The following NAA35 variants were observed in gnomAD, a reference collection of about 807,000 sequenced individuals.
NAA35 encodes MAK10 homolog, amino-acid N-acetyltransferase subunit.
A neutral mutation model predicts 101.7 loss-of-function variants in NAA35; 18 were observed. That is an observed-to-expected ratio of 0.18 (90% CI 0.12 to 0.26). NAA35 has a LOEUF of 0.26. NAA35 is among the 10% of genes least tolerant of loss of function. The probability of loss-of-function intolerance (pLI) is 1.00; values close to 1 mark genes in which losing one functional copy is unlikely to be tolerated. For synonymous variants in NAA35, 267 were observed against 273.1 expected (o/e 0.98, Z 0.22); for missense variants, 601 against 886.8 (o/e 0.68, Z 4.09).
chr9:85,948,520 T>G (rs1828864121), intron 2 of NAA35, among the ~76,000 whole-genome samples: 1 of 152,178 alleles, frequency 6.6e-6, no homozygotes, highest in Non-Finnish European at 1.5e-5. Flanking sequence ...GCCTGGGGTG[T>G]CTTTTCTCTC....
Position 85,978,378 on chromosome 9 carries a change from G to C in NAA35, c.874G>C (p.Gly292Arg). The C allele has an allele frequency of 6.3e-7, 1 of 1,581,204 alleles. No homozygotes were observed. The highest frequency in any genetic ancestry group is 8.7e-7 in the Non-Finnish European group (1 of 1,150,320). ...GIQAQNDTTK[G>R]DHPIMMGFEP... The stretch of plus-strand genomic sequence containing the variant: ...CCAGGCCCAGAATGATACTACAAAA[G>C]GAGGTAATTGTTCAATTTGCTCCTA... Residue 292 changes from glycine (G) to arginine (R), a missense_variant, in exon 11 of 23, where the codon GGA becomes CGA. Transcript: ENST00000361671.
intron 6 of NAA35, among the ~76,000 whole-genome samples, chr9:85,969,018 T>C (rs1829882430): frequency 6.6e-6 from 1 of 152,192 alleles, no homozygotes; most frequent in South Asian, 2.1e-4. Flanking sequence ...GTCAGTTGTA[T>C]ATATTTTTTT....
chr9:86,022,031 CAGG>C lies in NAA35; in HGVS notation c.*72_*74del, dbSNP rs1425578373. ...ACCCAACTCTTAGAGGGCACATCACCAGGCTCCACATCACGGGAAGTGAGATGG... is the reference window on the plus strand; with the variant it reads ...ACCCAACTCTTAGAGGGCACATCACCCTCCACATCACGGGAAGTGAGATGG... On this transcript the variant is annotated 3_prime_UTR_variant, in exon 23 of 23. Transcript: ENST00000361671. The C allele has an allele frequency of 1.8e-6, 2 of 1,133,454 alleles. No individual in the cohort carries two copies. Among genetic ancestry groups the C allele is most frequent in the Non-Finnish European group, 2.6e-6 (2 of 765,118 alleles). 70.2% of individuals were successfully genotyped at this position (1,133,454 alleles called of 1,614,324 possible). A position where few individuals can be genotyped will look rare whatever the true frequency, so the allele number is the denominator to read the frequency against.
In NAA35 at chr9:86,007,474, G is replaced by C; in HGVS notation, c.1223+10G>C. The stretch of plus-strand genomic sequence containing the variant: ...CGGTGCTTTCCCCCAAGTAAGTATT[G>C]TAAGACATTTTAGAGTTGTATGTAT... On this transcript the variant is annotated intron_variant, in intron 14 of 22. Coordinates refer to ENST00000361671, the MANE Select transcript of NAA35 (RefSeq NM_024635.4). 2 of 1,607,036 alleles carry C rather than the reference G, an allele frequency of 1.2e-6. No individual in the cohort carries two copies. The highest frequency in any genetic ancestry group is 1.1e-5 in the South Asian group (1 of 90,818).
chr9:85,965,310 G>T (rs115730642), intron 6 of NAA35, among the ~76,000 whole-genome samples: 2,496 of 152,294 alleles, frequency 0.016, 65 homozygotes, highest in African/African-American at 0.055. Flanking sequence ...CTAATTAAAA[G>T]ATGTTACATT....
At chr9:85,948,277 T>A (rs777829518) in intron 2 of NAA35, among the ~76,000 whole-genome samples, 8 of 152,102 alleles carry the variant, frequency 5.3e-5, no homozygotes, top group Non-Finnish European at 7.4e-5. Context: ...CACAAAAAAT[T>A]TTTACCCAAA....
In NAA35 at chr9:86,022,104, C is replaced by T. The variant is rs1832588793; in HGVS notation, c.*144C>T. Reference sequence around the variant, plus strand: ...ATTATAAGGAATACTTTTAGTTTGACAGCCTTATATGACATGAATGAAAAC... The same window carrying T: ...ATTATAAGGAATACTTTTAGTTTGATAGCCTTATATGACATGAATGAAAAC... On this transcript the variant is annotated 3_prime_UTR_variant, in exon 23 of 23. Transcript: ENST00000361671. The T allele has an allele frequency of 1.6e-6, 1 of 619,436 alleles. No homozygotes were observed. The highest frequency in any genetic ancestry group is 2.8e-6 in the Non-Finnish European group (1 of 360,184). The allele number at this position is 619,436 out of a possible 1,614,324, so 38.4% of individuals were successfully genotyped here.
intron 11 of NAA35, among the ~76,000 whole-genome samples, chr9:85,987,219 G>A (rs1265626496): frequency 1.3e-5 from 2 of 152,302 alleles, no homozygotes; most frequent in Non-Finnish European, 2.9e-5. Context: ...TTTAATAAAA[G>A]CCTTGCTCAA....
At chr9:86,006,899 CAA>C (rs1011019230) in intron 13 of NAA35, among the ~76,000 whole-genome samples, 5 of 151,880 alleles carry the variant, frequency 3.3e-5, no homozygotes, top group Admixed American at 1.3e-4. Flanking sequence ...GAAATTAAAA[CAA>C]ATTATTAAAT....
In NAA35 at chr9:86,018,414, CTTG is replaced by C. The variant is rs1832340128; in HGVS notation, c.1914+22_1914+24del. On this transcript the variant is annotated intron_variant, in intron 20 of 22. Coordinates refer to ENST00000361671, the MANE Select transcript of NAA35 (RefSeq NM_024635.4). ...GTTCAAGGTGAACCTGCTCAATGAA[CTTG>C]TTATGAAATCTTTAGTCTTAGACCT... 1.9e-6 allele frequency: 3 copies of C among 1,599,452 alleles called. No individual in the cohort carries two copies. The highest frequency in any genetic ancestry group is 1.7e-5 in the Admixed American group (1 of 58,512).
At chr9:85,963,394 C>T (rs967837170) in intron 6 of NAA35, among the ~76,000 whole-genome samples, 2 of 151,460 alleles carry the variant, frequency 1.3e-5, no homozygotes, top group African/African-American at 2.4e-5. Flanking sequence ...CCTCAGCCTC[C>T]CGGGTAGCTG....
At chr9:85,941,937 T>G in intron 1 of NAA35, 1 of 1,231,164 alleles carries the variant, frequency 8.1e-7, no homozygotes, top group Non-Finnish European at 1.0e-6. Context: ...TGGGCCCTGG[T>G]AGGTGGTGGG....
In NAA35 at chr9:85,976,599, C is replaced by T. The variant is rs564535796; in HGVS notation, c.628-86C>T. On this transcript the variant is annotated intron_variant, in intron 8 of 22. Transcript: ENST00000361671. ...CCCCAAAAACAGATTCTTGTGTATA[C>T]TTAAAAAATCAGTGTTTTTCCTTAT... is the stretch of plus-strand genomic sequence containing the variant. 3 of 1,018,744 alleles carry T rather than the reference C, an allele frequency of 2.9e-6. No homozygotes were observed. In the Admixed American group the frequency reaches 8.3e-5, roughly 28 times the overall value. The allele number at this position is 1,018,744 out of a possible 1,614,324, so 63.1% of individuals were successfully genotyped here. A position where few individuals can be genotyped will look rare whatever the true frequency, so the allele number is the denominator to read the frequency against.
At chr9:86,021,222 G>T (rs904010504) in intron 22 of NAA35, among the ~76,000 whole-genome samples, 1 of 152,092 alleles carries the variant, frequency 6.6e-6, no homozygotes, top group African/African-American at 2.4e-5. Context: ...ATAACTTGGG[G>T]TAAAAAAAGA....
intron 11 of NAA35, among the ~76,000 whole-genome samples, chr9:85,995,335 T>A (rs945947344): frequency 4.6e-5 from 7 of 150,804 alleles, no homozygotes; most frequent in Non-Finnish European, 1.5e-5. Context: ...AATAAAAAAT[T>A]ATTTTTTATT....
chr9:86,017,003 G>T (rs1832259353), intron 18 of NAA35, among the ~76,000 whole-genome samples: 1 of 152,252 alleles, frequency 6.6e-6, no homozygotes, highest in East Asian at 1.9e-4. Context: ...GAGGGCAGTA[G>T]TTCTGGAGCT....
In NAA35 at chr9:85,942,178, G is replaced by T. The variant is rs1828549828; in HGVS notation, c.19G>T (p.Val7Leu). The change falls in exon 2 of 23, where the codon GTA becomes TTA. Residue 7 changes from valine (V) to leucine (L), a missense_variant. Around this residue, in one of 8 missense-constraint regions of NAA35, gnomAD observed 67 missense variants for 62.4 expected, o/e 1.07. Coordinates refer to ENST00000361671, the MANE Select transcript of NAA35 (RefSeq NM_024635.4). ...AGGCATAATGGTTATGAAAGCTTCT[G>T]TAGATGATGACGATTCAGGATGGGA... is the stretch of plus-strand genomic sequence containing the variant. MVMKAS[V>L]DDDDSGWELS... The T allele has an allele frequency of 2.5e-6, 4 of 1,614,022 alleles. No individual in the cohort carries two copies. The highest frequency in any genetic ancestry group is 3.4e-6 in the Non-Finnish European group (4 of 1,180,016).
intron 2 of NAA35, among the ~76,000 whole-genome samples, chr9:85,947,092 T>A (rs1405382771): frequency 6.6e-6 from 1 of 152,182 alleles, no homozygotes; most frequent in African/African-American, 2.4e-5. Flanking sequence ...TACGGAAGTT[T>A]GAGAACCACT....
chr9:85,966,603 G>A (rs117543051), intron 6 of NAA35: 13 of 1,235,970 alleles, frequency 1.1e-5, no homozygotes, highest in Admixed American at 1.0e-4. Context: ...CAGATTTCGC[G>A]GCTCCTAGAA....
Sources: allele counts gnomAD v4.1 joint callset (sites outside exome capture counted in the v4.1 genomes callset), GRCh38; gene constraint gnomAD v4.1.1; regional missense constraint gnomAD v4.1.1; transcripts MANE v1.5; gene names NCBI Gene and HGNC (gene_info 2026-07-23, HGNC 2026-07-21).